The following DCC variants were observed in gnomAD, a reference collection of about 807,000 sequenced individuals.
DCC encodes DCC netrin 1 receptor, also known as netrin receptor DCC.
A neutral mutation model predicts 172.5 loss-of-function variants in DCC; 58 were observed. The observed-to-expected ratio is 0.34, with a 90% confidence interval of 0.27 to 0.42. DCC has a LOEUF of 0.42. DCC is among the 10% of genes least tolerant of loss of function. The pLI is 1.00. For missense variants in DCC, 1,740 were observed against 1,791.0 expected (o/e 0.97, Z 0.51); for synonymous variants, 709 against 644.5 (o/e 1.10, Z -1.52).
intron 15 of DCC, among the ~76,000 whole-genome samples, chr18:53,378,900 C>CT (rs1200115050): frequency 1.3e-5 from 2 of 152,112 alleles, no homozygotes; most frequent in East Asian, 3.9e-4. Flanking sequence ...AAAGAAAAAT[C>CT]TTTATCAGGA....
At chr18:53,316,478 T>C (rs1718410334) in intron 13 of DCC, among the ~76,000 whole-genome samples, 4 of 152,096 alleles carry the variant, frequency 2.6e-5, no homozygotes. Context: ...AGTTTTTTTT[T>C]TTCTAATTCT....
At chr18:52,641,283 C>A (rs2034886419) in intron 1 of DCC, among the ~76,000 whole-genome samples, 2 of 152,028 alleles carry the variant, frequency 1.3e-5, no homozygotes. Flanking sequence ...ATTGGAAAAC[C>A]CCTTCTAGAC....
At chr18:53,269,119 C>T (rs562071314) in intron 12 of DCC, among the ~76,000 whole-genome samples, 89 of 151,964 alleles carry the variant, frequency 5.9e-4, no homozygotes, top group Middle Eastern at 6.8e-3. Context: ...TGCATGCACG[C>T]GCATGCCTGT....
chr18:52,434,098 G>A (rs758009504), intron 1 of DCC, among the ~76,000 whole-genome samples: 6 of 151,512 alleles, frequency 4.0e-5, no homozygotes, highest in African/African-American at 1.5e-4. Flanking sequence ...CCTTAGAAGG[G>A]GTTGAATAGT....
chr18:53,312,925 G>GGGAGGGAAGGGAAAGGGAGGGGAGA (rs2057293535), intron 13 of DCC, among the ~76,000 whole-genome samples: 1 of 72,444 alleles, frequency 1.4e-5, no homozygotes, highest in Non-Finnish European at 4.7e-5. Flanking sequence ...GGGAGGGGAG[G>GGGAGGGAAGGGAAAGGGAGGGGAGA]GGAGGGAAGG....
At chr18:53,527,091 G>A (rs1311344139) in intron 28 of DCC, 22 of 3,040 alleles carry the variant, frequency 7.2e-3, no homozygotes, top group Non-Finnish European at 5.5e-3. Context: ...ACATGGATAC[G>A]TGTGTGTGTG....
intron 1 of DCC, among the ~76,000 whole-genome samples, chr18:52,727,169 G>GT (rs1431596612): frequency 1.3e-5 from 2 of 152,166 alleles, no homozygotes; most frequent in African/African-American, 2.4e-5. Flanking sequence ...AAAGTGATTG[G>GT]TTATGGAAAT....
intron 3 of DCC, among the ~76,000 whole-genome samples, chr18:52,911,958 A>T (rs2039977012): frequency 6.6e-6 from 1 of 151,994 alleles, no homozygotes; most frequent in Non-Finnish European, 1.5e-5. Context: ...TTTTCTAGAT[A>T]TATCAGATTT....
chr18:53,290,647 A>C (rs1056623094), intron 12 of DCC, among the ~76,000 whole-genome samples: 5 of 152,196 alleles, frequency 3.3e-5, no homozygotes, highest in Admixed American at 6.5e-5. Context: ...TTCATAAAAA[A>C]AAAACTGTTT....
intron 15 of DCC, among the ~76,000 whole-genome samples, chr18:53,377,799 G>A (rs1907416080): frequency 1.3e-5 from 2 of 152,132 alleles, no homozygotes; most frequent in African/African-American, 2.4e-5. Context: ...CTTCAAGTTT[G>A]ATTCTAATAT....
At chr18:52,447,524 C>A (rs1484428062) in intron 1 of DCC, among the ~76,000 whole-genome samples, 1 of 152,120 alleles carries the variant, frequency 6.6e-6, no homozygotes, top group East Asian at 1.9e-4. Context: ...ACTTGGATAC[C>A]CAAGGATAGG....
At chr18:53,323,541 G>T (rs758262469) in intron 14 of DCC, among the ~76,000 whole-genome samples, 5 of 152,162 alleles carry the variant, frequency 3.3e-5, no homozygotes, top group Non-Finnish European at 5.9e-5. Flanking sequence ...AGCAAAGAAA[G>T]ACAGACATTT....
chr18:52,821,805 G>A (rs778128994), intron 2 of DCC, among the ~76,000 whole-genome samples: 1 of 152,160 alleles, frequency 6.6e-6, no homozygotes, highest in African/African-American at 2.4e-5. Flanking sequence ...CCTTGGTCTT[G>A]TATCTTGTTT....
At chr18:52,672,976 T>A (rs1182675786) in intron 1 of DCC, among the ~76,000 whole-genome samples, 1 of 152,164 alleles carries the variant, frequency 6.6e-6, no homozygotes, top group African/African-American at 2.4e-5. Flanking sequence ...AGTGGGAAGA[T>A]TGCTTGAGCC....
intron 2 of DCC, among the ~76,000 whole-genome samples, chr18:52,754,880 G>A (rs932359097): frequency 6.6e-6 from 1 of 152,208 alleles, no homozygotes; most frequent in Non-Finnish European, 1.5e-5. Context: ...GACAGACTGA[G>A]GTGCAGATGC....
intron 1 of DCC, among the ~76,000 whole-genome samples, chr18:52,646,795 C>T (rs1332121227): frequency 2.6e-5 from 4 of 152,168 alleles, no homozygotes; most frequent in Admixed American, 1.3e-4. Flanking sequence ...CCAGGATGCT[C>T]ATCAAACCTA....
intron 1 of DCC, among the ~76,000 whole-genome samples, chr18:52,430,340 C>T (rs527288636): frequency 1.5e-4 from 21 of 140,410 alleles, no homozygotes; most frequent in African/African-American, 3.0e-4. Context: ...ACCAAGGCAA[C>T]GGTGGTGAGG....
chr18:52,976,457 A>G (rs932010134), intron 5 of DCC, among the ~76,000 whole-genome samples: 5 of 152,058 alleles, frequency 3.3e-5, no homozygotes, highest in African/African-American at 1.2e-4. Context: ...CCTAGGTTGT[A>G]GGACCCCACT....
chr18:52,434,110 A>G (rs1987712615), intron 1 of DCC, among the ~76,000 whole-genome samples: 1 of 152,230 alleles, frequency 6.6e-6, no homozygotes, highest in Non-Finnish European at 1.5e-5. Context: ...TTGAATAGTT[A>G]TGTAATCCAT....
Sources: gnomAD v4.1 joint callset for allele counts (sites outside exome capture counted in the v4.1 genomes callset) on GRCh38, gnomAD v4.1.1 for gene constraint, MANE v1.5 for transcripts, NCBI Gene and HGNC (gene_info 2026-07-23, HGNC 2026-07-21) for gene names.